CHST11: variants seen among roughly 807,000 people sequenced by gnomAD.
The protein encoded by CHST11 is C4S-1.
A neutral mutation model predicts 30.4 loss-of-function variants in CHST11; 9 were observed. The ratio of observed to expected loss-of-function variants is 0.30; its 90% CI spans 0.18 to 0.52. CHST11 has a LOEUF of 0.52. Among genes scored for constraint, CHST11 ranks in the 20% least tolerant of loss-of-function variants. The probability of loss-of-function intolerance (pLI) is 0.97; values close to 1 mark genes in which losing one functional copy is unlikely to be tolerated. For missense variants in CHST11, 348 were observed against 460.6 expected (o/e 0.76, Z 2.24); for synonymous variants, 152 against 187.8 (o/e 0.81, Z 1.56).
In CHST11 at chr12:104,457,223, G is replaced by A. The variant is rs965535264; in HGVS notation, c.-189G>A. 3 of 536,574 alleles carry A rather than the reference G, an allele frequency of 5.6e-6. No homozygotes were observed. The highest frequency in any genetic ancestry group is 1.0e-5 in the Non-Finnish European group (3 of 299,166). The allele number at this position is 536,574 out of a possible 1,614,324, so 33.2% of individuals were successfully genotyped here. A position where few individuals can be genotyped will look rare whatever the true frequency, so the allele number is the denominator to read the frequency against. On this transcript the variant is annotated 5_prime_UTR_variant, in exon 1 of 3. Transcript: ENST00000303694. ...ATCTCAGCACTTCCAGACCAACTCC[G>A]GCACCTTCCACACCCCTGCCCGGGC...
At chr12:104,667,763 C>G (rs376978266) in intron 2 of CHST11, among the ~76,000 whole-genome samples, 3 of 152,180 alleles carry the variant, frequency 2.0e-5, no homozygotes, top group African/African-American at 7.2e-5. Context: ...GAGATGCTGC[C>G]TGTCAGCTTC....
intron 2 of CHST11, among the ~76,000 whole-genome samples, chr12:104,642,468 G>A (rs561264356): frequency 7.2e-5 from 11 of 152,174 alleles, no homozygotes; most frequent in Non-Finnish European, 1.5e-4. Context: ...TGGCGCAATC[G>A]TGGCTTACTG....
At chr12:104,497,909 CTTTT>C (rs1205174607) in intron 1 of CHST11, among the ~76,000 whole-genome samples, 1 of 75,672 alleles carries the variant, frequency 1.3e-5, no homozygotes, top group East Asian at 4.1e-4. Flanking sequence ...CCTGCCCCCT[CTTTT>C]TTTTTTTTTT....
At chr12:104,474,638 T>G (rs2037540749) in intron 1 of CHST11, among the ~76,000 whole-genome samples, 1 of 152,244 alleles carries the variant, frequency 6.6e-6, no homozygotes, top group South Asian at 2.1e-4. Context: ...GCAACATTCC[T>G]TTTTTATTTT....
At chr12:104,686,232 T>TAAAAA (rs55789725) in intron 2 of CHST11, among the ~76,000 whole-genome samples, 4 of 99,142 alleles carry the variant, frequency 4.0e-5, no homozygotes, top group Non-Finnish European at 8.1e-5. Flanking sequence ...ACTCACCTCT[T>TAAAAA]AAAAAAAAAA....
chr12:104,606,719 AAT>A (rs1452742199), intron 2 of CHST11, among the ~76,000 whole-genome samples: 1 of 152,138 alleles, frequency 6.6e-6, no homozygotes, highest in African/African-American at 2.4e-5. Context: ...CCAGTTGCAA[AAT>A]TCACAAAAGC....
At chr12:104,628,675 C>T (rs1051495721) in intron 2 of CHST11, among the ~76,000 whole-genome samples, 2 of 152,170 alleles carry the variant, frequency 1.3e-5, no homozygotes, top group African/African-American at 4.8e-5. Flanking sequence ...CCCTCCAGGC[C>T]TTGGTTTAGT....
intron 2 of CHST11, among the ~76,000 whole-genome samples, chr12:104,718,728 C>T (rs2040151191): frequency 6.6e-6 from 1 of 152,196 alleles, no homozygotes. Flanking sequence ...AGCCAGCCAG[C>T]CTGAAGACTG....
intron 2 of CHST11, among the ~76,000 whole-genome samples, chr12:104,640,639 A>G (rs2039367588): frequency 1.3e-5 from 2 of 152,214 alleles, no homozygotes; most frequent in Non-Finnish European, 2.9e-5. Context: ...AGGGATTTTT[A>G]GGACAGAAAA....
intron 2 of CHST11, among the ~76,000 whole-genome samples, chr12:104,664,543 G>C (rs2039625781): frequency 6.6e-6 from 1 of 152,080 alleles, no homozygotes; most frequent in South Asian, 2.1e-4. Flanking sequence ...AACAGTCACT[G>C]TGAAATGTTA....
chr12:104,652,355 C>A lies in CHST11; in HGVS notation c.204+50364C>A, dbSNP rs2039498291. ...GAAAGCAGCTCCCCGATGAGTTGAG[C>A]CCGTGGGCTCCTGCAGGCAGCAGCT... On this transcript the variant is annotated intron_variant, in intron 2 of 2. Transcript: ENST00000303694. 2.0e-5 allele frequency among the ~76,000 whole-genome samples: 3 copies of A among 152,194 alleles called. No homozygotes were observed. In the South Asian group the frequency reaches 6.2e-4, roughly 32 times the overall value.
intron 1 of CHST11, among the ~76,000 whole-genome samples, chr12:104,496,024 G>A (rs1042920650): frequency 8.5e-5 from 13 of 152,214 alleles, no homozygotes; most frequent in African/African-American, 2.7e-4. Flanking sequence ...AGACTTAAGC[G>A]AGGGCTTTAG....
intron 2 of CHST11, among the ~76,000 whole-genome samples, chr12:104,750,085 G>A (rs75020561): frequency 0.027 from 4,053 of 152,100 alleles, 120 homozygotes; most frequent in East Asian, 0.17. Context: ...TGGTGGTTCC[G>A]TGTAGCTCCA....
chr12:104,756,360 G>A (rs2040474427), intron 2 of CHST11, among the ~76,000 whole-genome samples: 1 of 152,126 alleles, frequency 6.6e-6, no homozygotes, highest in African/African-American at 2.4e-5. Flanking sequence ...AGAAACTTTT[G>A]CTCTTAGAAT....
intron 1 of CHST11, among the ~76,000 whole-genome samples, chr12:104,532,898 C>T (rs2038199795): frequency 6.6e-6 from 1 of 152,136 alleles, no homozygotes; most frequent in Non-Finnish European, 1.5e-5. Flanking sequence ...CCCTCTCATG[C>T]AACCCTGTTT....
At chr12:104,722,392 C>G (rs2136127356) in intron 2 of CHST11, among the ~76,000 whole-genome samples, 1 of 152,212 alleles carries the variant, frequency 6.6e-6, no homozygotes, top group African/African-American at 2.4e-5. Context: ...GAAGCACAAA[C>G]TAAGTGTGAT....
At chr12:104,468,804 C>T (rs1016674595) in intron 1 of CHST11, among the ~76,000 whole-genome samples, 6 of 152,104 alleles carry the variant, frequency 3.9e-5, no homozygotes, top group Admixed American at 3.9e-4. Context: ...GAGATTTGGT[C>T]CCCTCATTTG....
chr12:104,485,784 A>C (rs2037671498), intron 1 of CHST11, among the ~76,000 whole-genome samples: 1 of 152,178 alleles, frequency 6.6e-6, no homozygotes, highest in Non-Finnish European at 1.5e-5. Flanking sequence ...TGAGTTCTTG[A>C]GCTGCAAATG....
intron 2 of CHST11, among the ~76,000 whole-genome samples, chr12:104,713,748 A>G (rs2040106674): frequency 6.6e-6 from 1 of 152,152 alleles, no homozygotes; most frequent in East Asian, 1.9e-4. Context: ...TCATTACCCC[A>G]TGATGCTGCA....
Sources: gnomAD v4.1 joint callset for allele counts (sites outside exome capture counted in the v4.1 genomes callset) on GRCh38, gnomAD v4.1.1 for gene constraint, MANE v1.5 for transcripts, NCBI Gene and HGNC (gene_info 2026-07-23, HGNC 2026-07-21) for gene names.